The following RPTOR variants were observed in gnomAD, a reference collection of about 807,000 sequenced individuals.
The protein encoded by RPTOR is regulatory associated protein of MTOR complex 1.
In RPTOR, 21 loss-of-function variants were observed where a neutral mutation model predicts 169.9. The observed-to-expected ratio is 0.12, with a 90% confidence interval of 0.09 to 0.18. The LOEUF (loss-of-function observed/expected upper bound fraction) is 0.18. Among genes scored for constraint, RPTOR ranks in the 10% least tolerant of loss-of-function variants. The probability of loss-of-function intolerance (pLI) is 1.00; values close to 1 mark genes in which losing one functional copy is unlikely to be tolerated. For synonymous variants in RPTOR, 732 were observed against 753.2 expected (o/e 0.97, Z 0.46); for missense variants, 1,133 against 1,855.9 (o/e 0.61, Z 7.16).
At chr17:80,785,529 TG>T (rs2066982573) in intron 6 of RPTOR, among the ~76,000 whole-genome samples, 1 of 152,210 alleles carries the variant, frequency 6.6e-6, no homozygotes, top group African/African-American at 2.4e-5. Context: ...GGTTCCCGAC[TG>T]GTGAGTGGGT....
intron 3 of RPTOR, among the ~76,000 whole-genome samples, chr17:80,693,364 T>A (rs1450688270): frequency 1.3e-5 from 2 of 152,178 alleles, no homozygotes; most frequent in Non-Finnish European, 2.9e-5. Flanking sequence ...GTTTCTCGGG[T>A]TCATTGGGGG....
In RPTOR at chr17:80,964,136, T is replaced by C. The variant is rs1957662143; in HGVS notation, c.3940-126T>C. On this transcript the variant is annotated intron_variant, in intron 33 of 33. Transcript: ENST00000306801. Reference sequence around the variant, plus strand: ...CGGCCCGGCATTTCCGGGCCTGAGGTGGGCGTGGGGGTTCCTGAGACCCCG... The same window carrying C: ...CGGCCCGGCATTTCCGGGCCTGAGGCGGGCGTGGGGGTTCCTGAGACCCCG... The C allele has an allele frequency of 5.0e-6, 4 of 797,036 alleles. 1 individual carries two copies. In the Admixed American group the frequency reaches 8.2e-5, roughly 16 times the overall value. 49.4% of individuals were successfully genotyped at this position (797,036 alleles called of 1,614,324 possible). A position where few individuals can be genotyped will look rare whatever the true frequency, so the allele number is the denominator to read the frequency against.
At chr17:80,589,041 T>A (rs867365788) in intron 1 of RPTOR, among the ~76,000 whole-genome samples, 24 of 152,188 alleles carry the variant, frequency 1.6e-4, no homozygotes, top group African/African-American at 5.5e-4. Flanking sequence ...TACATTTAGG[T>A]CCCTAACGAG....
In RPTOR at chr17:80,698,374, A is replaced by G. The variant is rs572982268; in HGVS notation, c.349-9467A>G. On this transcript the variant is annotated intron_variant, in intron 3 of 33. Transcript: ENST00000306801. ...AGCAACCACGTGGAGGATAGCGTGAAAAGTGACGGGACGGAGCAAAGAAAG... is the reference window on the plus strand; with the variant it reads ...AGCAACCACGTGGAGGATAGCGTGAGAAGTGACGGGACGGAGCAAAGAAAG... Among the ~76,000 whole-genome samples the G allele has an allele frequency of 7.2e-5, 11 of 152,018 alleles. No homozygotes were observed. In the East Asian group the frequency reaches 2.1e-3, roughly 30 times the overall value.
intron 7 of RPTOR, among the ~76,000 whole-genome samples, chr17:80,795,596 CTG>C (rs2067093512): frequency 6.6e-6 from 1 of 151,748 alleles, no homozygotes; most frequent in African/African-American, 2.4e-5. Context: ...AGACAATTAA[CTG>C]TTAATAGTAG....
At chr17:80,576,391 G>A (rs1207231237) in intron 1 of RPTOR, among the ~76,000 whole-genome samples, 4 of 152,266 alleles carry the variant, frequency 2.6e-5, no homozygotes, top group East Asian at 1.9e-4. Flanking sequence ...TACAACGTCC[G>A]TCATGACCTT....
chr17:80,918,403 G>A (rs531586869), intron 21 of RPTOR, among the ~76,000 whole-genome samples: 11 of 152,018 alleles, frequency 7.2e-5, no homozygotes, highest in African/African-American at 2.7e-4. Flanking sequence ...GCTGCCCCAC[G>A]AGCACCCTCG....
chr17:80,888,213 C>G (rs1275474099), intron 17 of RPTOR, among the ~76,000 whole-genome samples: 2 of 152,244 alleles, frequency 1.3e-5, no homozygotes, highest in Non-Finnish European at 2.9e-5. Flanking sequence ...CTCCCGGGCT[C>G]AAGCGATCCT....
At chr17:80,671,660 A>T (rs965709400) in intron 3 of RPTOR, among the ~76,000 whole-genome samples, 2 of 152,144 alleles carry the variant, frequency 1.3e-5, no homozygotes, top group Non-Finnish European at 2.9e-5. Flanking sequence ...TTGTGAGGGA[A>T]CCTGGGGCTT....
chr17:80,574,837 T>TG (rs2064946629), intron 1 of RPTOR, among the ~76,000 whole-genome samples: 1 of 149,072 alleles, frequency 6.7e-6, no homozygotes, highest in Non-Finnish European at 1.5e-5. Flanking sequence ...ATTTTTTTTT[T>TG]TTTTTTTGTA....
chr17:80,730,604 G>C lies in RPTOR; in HGVS notation c.552G>C (p.Thr184=), dbSNP rs775957479. 4.3e-6 allele frequency: 7 copies of C among 1,614,162 alleles called. No individual in the cohort carries two copies. The East Asian group carries it at 1.3e-4, about 31-fold the overall frequency. Residue 184 remains threonine (T), a synonymous_variant, in exon 5 of 34, where the codon ACG becomes ACC. Coordinates refer to ENST00000306801, the MANE Select transcript of RPTOR (RefSeq NM_020761.3). This position sits in a 1 kb window ranked among gnomAD's most constrained non-coding sequence, Gnocchi z 4.2. ...CTCTGTCCATATATGACCTGCAGAC[G>C]TGGATGGGCAGCCCGTCGATCTTCG... is the stretch of plus-strand genomic sequence containing the variant. ...YIPLSIYDLQ[T]WMGSPSIFVY... is the part of the protein sequence containing the mutation.
At chr17:80,782,048 C>T (rs2066947061) in intron 6 of RPTOR, among the ~76,000 whole-genome samples, 1 of 152,254 alleles carries the variant, frequency 6.6e-6, no homozygotes, top group South Asian at 2.1e-4. Context: ...CTGCGCGAGG[C>T]GGCCCTGGAG....
At position 80,965,059 on chromosome 17, in the gene RPTOR, A is replaced by G; in HGVS notation, c.*729A>G. The G allele has an allele frequency of 4.3e-6, 1 of 233,318 alleles. No homozygotes were observed. Among genetic ancestry groups the G allele is most frequent in the Non-Finnish European group, 8.5e-6 (1 of 118,060 alleles). 14.5% of individuals were successfully genotyped at this position (233,318 alleles called of 1,614,324 possible). On this transcript the variant is annotated 3_prime_UTR_variant, in exon 34 of 34. Transcript: ENST00000306801. ...GCCCCTCTCACACAGAGCTGTCAGC[A>G]GGGGCCGCTGTGGCGGTGCACAGGG...
At chr17:80,814,480 T>A (rs1012564659) in intron 7 of RPTOR, among the ~76,000 whole-genome samples, 14 of 152,314 alleles carry the variant, frequency 9.2e-5, no homozygotes, top group African/African-American at 3.4e-4. Flanking sequence ...TGATGGAATT[T>A]GGGATGATTT....
At chr17:80,739,773 TC>T in intron 5 of RPTOR, among the ~76,000 whole-genome samples, 1 of 152,146 alleles carries the variant, frequency 6.6e-6, no homozygotes, top group Middle Eastern at 3.4e-3. Context: ...ATACAACATA[TC>T]TGTATTTATA....
At chr17:80,931,362 G>T (rs1054939916) in intron 24 of RPTOR, among the ~76,000 whole-genome samples, 3 of 152,224 alleles carry the variant, frequency 2.0e-5, no homozygotes, top group Admixed American at 1.3e-4. Context: ...AGCAGAAGGG[G>T]CCAGCAGGGA....
intron 1 of RPTOR, among the ~76,000 whole-genome samples, chr17:80,559,871 G>C (rs951854731): frequency 6.6e-6 from 1 of 152,192 alleles, no homozygotes; most frequent in African/African-American, 2.4e-5. Flanking sequence ...TGACTTCCTT[G>C]TTTTCTGAGG....
intron 3 of RPTOR, among the ~76,000 whole-genome samples, chr17:80,689,374 G>A (rs1311654351): frequency 6.6e-6 from 1 of 152,216 alleles, no homozygotes. Context: ...GGCGGAGGAC[G>A]CCACCTGCTC....
chr17:80,710,003 G>T (rs8068594), intron 4 of RPTOR, among the ~76,000 whole-genome samples: 34,870 of 149,990 alleles, frequency 0.23, 4,107 homozygotes, highest in East Asian at 0.31. Flanking sequence ...TTGAAACAGG[G>T]TCTCTCTCTG....
Sources: gnomAD v4.1 joint callset for allele counts (sites outside exome capture counted in the v4.1 genomes callset) on GRCh38, gnomAD v4.1.1 for gene constraint, Gnocchi (gnomAD v3.1) non-coding constraint, MANE v1.5 for transcripts, NCBI Gene and HGNC (gene_info 2026-07-23, HGNC 2026-07-21) for gene names.